Variants in UBA5 observed in about 807,000 individuals in gnomAD.
The protein encoded by UBA5 is ubiquitin like modifier activating enzyme 5.
A neutral mutation model predicts 52.9 loss-of-function variants in UBA5; 28 were observed. The ratio of observed to expected loss-of-function variants is 0.53; its 90% CI spans 0.39 to 0.73. The LOEUF (loss-of-function observed/expected upper bound fraction) is 0.73, where lower values mean the gene tolerates loss of function less well. Among genes scored for constraint, UBA5 ranks in the 30% least tolerant of loss-of-function variants. UBA5 has a pLI of 0.00. For missense variants in UBA5, 388 were observed against 492.7 expected (o/e 0.79, Z 2.01); for synonymous variants, 135 against 162.1 (o/e 0.83, Z 1.27).
rs35066291 is a variant in UBA5, at chr3:132,673,665, CT to C, written c.812+1504del. On this transcript the variant is annotated intron_variant, in intron 8 of 11. Coordinates refer to ENST00000356232, the MANE Select transcript of UBA5 (RefSeq NM_024818.6). Reference sequence around the variant, plus strand: ...GCCCAGCCTAGAGTTTTCTATAGTACTTTTTTTTTTTTTTTTAAACAGGGTT... The same window carrying C: ...GCCCAGCCTAGAGTTTTCTATAGTACTTTTTTTTTTTTTTTAAACAGGGTT... 4.7e-3 allele frequency among the ~76,000 whole-genome samples: 658 copies of C among 141,228 alleles called. 1 individual carries two copies. Among genetic ancestry groups the C allele is most frequent in the African/African-American group, 4.9e-3 (189 of 38,502 alleles). The allele number at this position is 141,228 out of a possible 152,430, so 92.7% of individuals were successfully genotyped here. A position where few individuals can be genotyped will look rare whatever the true frequency, so the allele number is the denominator to read the frequency against.
chr3:132,670,063 C>T, intron 4 of UBA5, 135 bp from the exon 5 acceptor site: 1 of 579,578 alleles, frequency 1.7e-6, no homozygotes, highest in Non-Finnish European at 3.1e-6. Flanking sequence ...TCACTCTGTC[C>T]CCCAGGTTGG....
In UBA5 at chr3:132,676,932, G is replaced by GCATAC. The variant is rs1938865268; in HGVS notation, c.*407_*411dup. The GCATAC allele has an allele frequency of 2.2e-6, 1 of 453,610 alleles. No individual in the cohort carries two copies. The highest frequency in any genetic ancestry group is 2.0e-5 in the African/African-American group (1 of 49,974). 28.1% of individuals were successfully genotyped at this position (453,610 alleles called of 1,614,324 possible). ...CCTCAGATACAGGGAGAAGGACAAG[G>GCATAC]CATACAGCTTATTGATTAGAGCTGG... On this transcript the variant is annotated 3_prime_UTR_variant, in exon 12 of 12. Transcript: ENST00000356232. The surrounding 1 kb of genome is among the most constrained non-coding windows in gnomAD (Gnocchi z 4.1).
chr3:132,669,272 AAAAT>A (rs1938503906), intron 4 of UBA5, among the ~76,000 whole-genome samples: 1 of 152,112 alleles, frequency 6.6e-6, no homozygotes, highest in African/African-American at 2.4e-5. Context: ...TTTTAATTAA[AAAAT>A]AAAATTTTTT....
chr3:132,675,656 A>G lies in UBA5; in HGVS notation c.1000A>G (p.Ile334Val). The G allele has an allele frequency of 6.2e-7, 1 of 1,612,544 alleles. No homozygotes were observed. The highest frequency in any genetic ancestry group is 1.3e-5 in the African/African-American group (1 of 74,994). ...AGAGGTTATACAAGAAGAGGAAGAG[A>G]TAATCCATGAAGATAATGAATGGGG... ...KQEVIQEEEE[I>V]IHEDNEWGIE... is the part of the protein sequence containing the mutation. Residue 334 changes from isoleucine (I) to valine (V), a missense_variant, in exon 10 of 12, where the codon ATA becomes GTA. This residue lies in a region of UBA5 where 277 missense variants were observed against 326.4 expected (regional missense o/e 0.85). Coordinates refer to ENST00000356232, the MANE Select transcript of UBA5 (RefSeq NM_024818.6).
upstream of UBA5, chr3:132,659,491 T>A: frequency 2.0e-6 from 3 of 1,490,560 alleles, no homozygotes; most frequent in South Asian, 2.4e-5. Context: ...GTCCACTGAC[T>A]GCAGGAAAAG....
chr3:132,671,733 C>G, intron 6 of UBA5, 44 bp from the exon 7 acceptor site: 1 of 1,440,966 alleles, frequency 6.9e-7, no homozygotes, highest in East Asian at 2.3e-5. Flanking sequence ...TTACTTCTTG[C>G]TCTTTTATTT....
rs187926299 is a variant in UBA5 at position 132,661,782 on chromosome 3, T to C, written c.161+1084T>C. On this transcript the variant is annotated intron_variant, in intron 1 of 11. Transcript: ENST00000356232. ...TTAAAGTAGATAAGGAAGATTTTAT[T>C]GTTGCTTTTTTCCTTTAAAGAGCAT... Among the ~76,000 whole-genome samples the C allele has an allele frequency of 4.9e-3, 753 of 152,258 alleles. 4 individuals are homozygous for C. Among genetic ancestry groups the C allele is most frequent in the Admixed American group, 8.4e-3 (128 of 15,302 alleles).
Position 132,672,148 on chromosome 3 carries a change from T to A in UBA5, c.783T>A (p.Val261=). The part of the protein sequence containing the change: ...AASLPTTMGV[V]AGILVQNVLK... ...GTCTTCCTACCACTATGGGTGTGGT[T>A]GCTGGGATCTTAGTACAAAACGTGT... Residue 261 remains valine (V), a synonymous_variant, in exon 8 of 12, where the codon GTT becomes GTA. Coordinates refer to ENST00000356232, the MANE Select transcript of UBA5 (RefSeq NM_024818.6). The A allele has an allele frequency of 6.2e-7, 1 of 1,614,012 alleles. No individual in the cohort carries two copies. The highest frequency in any genetic ancestry group is 8.5e-7 in the Non-Finnish European group (1 of 1,179,924).
At chr3:132,669,258 ATTT>A (rs1291950333) in intron 4 of UBA5, among the ~76,000 whole-genome samples, 1 of 152,038 alleles carries the variant, frequency 6.6e-6, no homozygotes, top group Non-Finnish European at 1.5e-5. Flanking sequence ...ACAATTTTTA[ATTT>A]TTTTAATTAA....
chr3:132,661,163 C>A, intron 1 of UBA5: 2 of 811,110 alleles, frequency 2.5e-6, no homozygotes, highest in Non-Finnish European at 3.4e-6. Context: ...CATCTCAAAC[C>A]ATTCGACATT....
At chr3:132,669,200 T>G (rs542398265) in intron 4 of UBA5, among the ~76,000 whole-genome samples, 1 of 152,332 alleles carries the variant, frequency 6.6e-6, no homozygotes, top group South Asian at 2.1e-4. Context: ...TGAGCATGTC[T>G]GTGCTCCAAG....
intron 3 of UBA5, 197 bp from the exon 4 acceptor site, chr3:132,668,621 T>A: frequency 2.7e-6 from 1 of 367,854 alleles, no homozygotes; most frequent in Non-Finnish European, 4.9e-6. Context: ...TGCCTCATTT[T>A]AAAAATAAGG....
At position 132,678,992 on chromosome 3, in the gene UBA5, T is replaced by C. The variant is rs1483530392; in HGVS notation, c.*2466T>C. On this transcript the variant is annotated 3_prime_UTR_variant, in exon 12 of 12. Coordinates refer to ENST00000356232, the MANE Select transcript of UBA5 (RefSeq NM_024818.6). ...GAAGCTTTGACCCCTGCATCACATT[T>C]TTTTCATATTTCCCTTTCTGTAATC... 6.6e-6 allele frequency among the ~76,000 whole-genome samples: 1 copy of C among 151,902 alleles called. No homozygotes were observed. The highest frequency in any genetic ancestry group is 1.5e-5 in the Non-Finnish European group (1 of 67,972).
At chr3:132,671,190 A>G in intron 6 of UBA5, 141 bp downstream of exon 6, 2 of 688,486 alleles carry the variant, frequency 2.9e-6, no homozygotes, top group Non-Finnish European at 4.8e-6. Context: ...CTCTTAGCCT[A>G]CTCTTAAAAT....
intron 1 of UBA5, among the ~76,000 whole-genome samples, chr3:132,663,630 C>G (rs981663981): frequency 6.6e-6 from 1 of 152,114 alleles, no homozygotes; most frequent in Non-Finnish European, 1.5e-5. Context: ...TTGTGGGTTT[C>G]TCAACTAAAT....
chr3:132,657,736 A>T (rs1937883551), upstream of UBA5, among the ~76,000 whole-genome samples: 1 of 152,132 alleles, frequency 6.6e-6, no homozygotes, highest in Non-Finnish European at 1.5e-5. Flanking sequence ...ATTTCTGTAC[A>T]CTGAACTTTG....
intron 3 of UBA5, chr3:132,667,222 A>T (rs1248031901): frequency 6.6e-6 from 1 of 152,190 alleles, no homozygotes; most frequent in Non-Finnish European, 1.5e-5. Flanking sequence ...CACAATCCCC[A>T]AATGATTCAT....
chr3:132,675,546 T>G, intron 9 of UBA5, 59 bp from the exon 10 acceptor site: 1 of 1,541,448 alleles, frequency 6.5e-7, no homozygotes, highest in Non-Finnish European at 8.8e-7. Context: ...AATTCTTGAT[T>G]AATGCTTTAG....
chr3:132,672,166 A>G lies in UBA5; in HGVS notation c.801A>G (p.Gln267=), dbSNP rs1480356379. ...GTGTGGTTGCTGGGATCTTAGTACAAAACGTGTTAAAGTAAGTCAGGGCTA... is the reference window on the plus strand; with the variant it reads ...GTGTGGTTGCTGGGATCTTAGTACAGAACGTGTTAAAGTAAGTCAGGGCTA... ...TMGVVAGILV[Q]NVLKFLLNFG... is the part of the protein sequence containing the mutation. Residue 267 remains glutamine (Q), a synonymous_variant, in exon 8 of 12, where the codon CAA becomes CAG. Coordinates refer to ENST00000356232, the MANE Select transcript of UBA5 (RefSeq NM_024818.6). The G allele has an allele frequency of 3.1e-6, 5 of 1,613,654 alleles. No homozygotes were observed. The highest frequency in any genetic ancestry group is 4.2e-6 in the Non-Finnish European group (5 of 1,179,804).
Sources: allele counts gnomAD v4.1 joint callset (sites outside exome capture counted in the v4.1 genomes callset), GRCh38; gene constraint gnomAD v4.1.1; regional missense constraint gnomAD v4.1.1; non-coding constraint Gnocchi (gnomAD v3.1); transcripts MANE v1.5; gene names NCBI Gene and HGNC (gene_info 2026-07-23, HGNC 2026-07-21).